The following MGAT4C variants were observed in gnomAD, a reference collection of about 807,000 sequenced individuals.
MGAT4C encodes alpha-1,3-mannosyl-glycoprotein 4-beta-N-acetylglucosaminyltransferase C.
In MGAT4C, 19 loss-of-function variants were observed where a neutral mutation model predicts 40.1. That is an observed-to-expected ratio of 0.47 (90% CI 0.33 to 0.70). The LOEUF (loss-of-function observed/expected upper bound fraction) is 0.70. MGAT4C is among the 30% of genes least tolerant of loss of function. The pLI is 0.02. For synonymous variants in MGAT4C, 181 were observed against 187.1 expected (o/e 0.97, Z 0.27); for missense variants, 491 against 563.2 (o/e 0.87, Z 1.30).
intron 2 of MGAT4C, among the ~76,000 whole-genome samples, chr12:86,024,765 A>G (rs543901870): frequency 6.6e-6 from 1 of 151,924 alleles, no homozygotes; most frequent in African/African-American, 2.4e-5. Flanking sequence ...TCCATAGTCA[A>G]ATGGTCAAAT....
chr12:86,169,410 T>C (rs1886550518), intron 1 of MGAT4C, among the ~76,000 whole-genome samples: 1 of 152,140 alleles, frequency 6.6e-6, no homozygotes, highest in South Asian at 2.1e-4. Context: ...CATCTAGTTA[T>C]CTCTCACTAG....
chr12:86,503,945 A>C (rs112645225), intron 2 of MGAT4C, among the ~76,000 whole-genome samples: 1 of 150,960 alleles, frequency 6.6e-6, no homozygotes, highest in Non-Finnish European at 1.5e-5. Context: ...ACTTACGTTT[A>C]AAACCTTCCT....
At chr12:86,009,056 G>T (rs143224848) in intron 2 of MGAT4C, among the ~76,000 whole-genome samples, 1 of 151,696 alleles carries the variant, frequency 6.6e-6, no homozygotes, top group African/African-American at 2.4e-5. Flanking sequence ...TTCCAATATT[G>T]TTGTCAGCTT....
chr12:86,459,230 A>T (rs1193353639), intron 2 of MGAT4C, among the ~76,000 whole-genome samples: 2 of 152,184 alleles, frequency 1.3e-5, no homozygotes, highest in Non-Finnish European at 2.9e-5. Context: ...AATGGGCTCC[A>T]AAATTCCTGC....
intron 2 of MGAT4C, among the ~76,000 whole-genome samples, chr12:86,565,156 C>A (rs945674770): frequency 3.3e-5 from 5 of 152,176 alleles, no homozygotes; most frequent in Non-Finnish European, 7.3e-5. Context: ...TGGGTGCTTT[C>A]TGTCCCATCT....
rs1242330583 is a variant in MGAT4C at position 85,965,576 on chromosome 12, A to T, written c.*13713T>A. 1 of 146,156 alleles carries T rather than the reference A, an allele frequency of 6.8e-6. No homozygotes were observed. The highest frequency in any genetic ancestry group is 1.5e-5 in the Non-Finnish European group (1 of 66,964). 9.1% of individuals were successfully genotyped at this position (146,156 alleles called of 1,614,324 possible). On this transcript the variant is annotated 3_prime_UTR_variant, in exon 5 of 5. Coordinates refer to ENST00000611864, the MANE Select transcript of MGAT4C (RefSeq NM_001351288.2). ...AGTGCCACTGCAGTCCGGCCTGGGCAAAAGAGTGAGACTCTGTCTCAAAAA... is the reference window on the plus strand; with the variant it reads ...AGTGCCACTGCAGTCCGGCCTGGGCTAAAGAGTGAGACTCTGTCTCAAAAA...
At chr12:86,687,803 T>C (rs982341139) in intron 2 of MGAT4C, among the ~76,000 whole-genome samples, 5 of 152,200 alleles carry the variant, frequency 3.3e-5, no homozygotes, top group Non-Finnish European at 5.9e-5. Flanking sequence ...GAAGAATGTA[T>C]ATTCCGTTGA....
At chr12:86,651,726 A>T (rs1417704415) in intron 2 of MGAT4C, among the ~76,000 whole-genome samples, 1 of 151,824 alleles carries the variant, frequency 6.6e-6, no homozygotes, top group Non-Finnish European at 1.5e-5. Context: ...AAAAAGGTGG[A>T]TGGGTGATTA....
intron 1 of MGAT4C, among the ~76,000 whole-genome samples, chr12:86,164,249 C>T (rs558006200): frequency 1.3e-5 from 2 of 152,256 alleles, no homozygotes; most frequent in East Asian, 1.9e-4. Flanking sequence ...GAAGTTTAAT[C>T]TATGGGCTCT....
chr12:86,807,972 T>G (rs185930301), intron 1 of MGAT4C, among the ~76,000 whole-genome samples: 7 of 147,866 alleles, frequency 4.7e-5, no homozygotes, highest in Non-Finnish European at 6.0e-5. Context: ...TTTTAATGGT[T>G]TTTTTTTCTT....
intron 2 of MGAT4C, among the ~76,000 whole-genome samples, chr12:86,618,741 A>T (rs1485083059): frequency 6.6e-6 from 1 of 152,140 alleles, no homozygotes; most frequent in Admixed American, 6.5e-5. Flanking sequence ...GTTAGATAGA[A>T]TAAGTTTTAA....
intron 3 of MGAT4C, among the ~76,000 whole-genome samples, chr12:86,375,482 CT>C (rs1955806792): frequency 6.6e-6 from 1 of 150,630 alleles, no homozygotes; most frequent in Non-Finnish European, 1.5e-5. Flanking sequence ...ATTTTTTTTT[CT>C]TTATAGTTAA....
At chr12:86,590,694 C>CA (rs972837903) in intron 2 of MGAT4C, among the ~76,000 whole-genome samples, 10 of 150,746 alleles carry the variant, frequency 6.6e-5, no homozygotes, top group Middle Eastern at 6.8e-3. Flanking sequence ...AATACAGAAA[C>CA]AAAAAAAAAT....
At chr12:86,186,350 A>T (rs1381452045) in intron 1 of MGAT4C, among the ~76,000 whole-genome samples, 1 of 152,176 alleles carries the variant, frequency 6.6e-6, no homozygotes, top group Non-Finnish European at 1.5e-5. Flanking sequence ...TTAATAACTG[A>T]CATGCTGAGG....
At chr12:86,007,024 C>T (rs749018134) in intron 2 of MGAT4C, among the ~76,000 whole-genome samples, 5 of 152,056 alleles carry the variant, frequency 3.3e-5, no homozygotes, top group Non-Finnish European at 7.4e-5. Context: ...TCTGATTCAT[C>T]TAATAATTGT....
intron 2 of MGAT4C, among the ~76,000 whole-genome samples, chr12:86,701,574 C>T (rs938356360): frequency 4.6e-5 from 7 of 152,108 alleles, no homozygotes; most frequent in Non-Finnish European, 7.4e-5. Flanking sequence ...TTCCCTAGTA[C>T]TTGACATACA....
intron 1 of MGAT4C, among the ~76,000 whole-genome samples, chr12:86,831,493 C>T (rs529821188): frequency 6.6e-6 from 1 of 151,910 alleles, no homozygotes; most frequent in South Asian, 2.1e-4. Flanking sequence ...ACACACATGA[C>T]ACCAATGTGT....
At chr12:86,618,936 T>A (rs1327215167) in intron 2 of MGAT4C, among the ~76,000 whole-genome samples, 1 of 151,960 alleles carries the variant, frequency 6.6e-6, no homozygotes, top group Non-Finnish European at 1.5e-5. Flanking sequence ...ATGTACCACA[T>A]AAATATGTAC....
intron 3 of MGAT4C, among the ~76,000 whole-genome samples, chr12:86,393,927 G>A (rs1005753973): frequency 6.6e-6 from 1 of 152,190 alleles, no homozygotes; most frequent in Non-Finnish European, 1.5e-5. Flanking sequence ...TTAGTGGAGG[G>A]ATGGGAATGT....
Sources: gnomAD v4.1 joint callset for allele counts (sites outside exome capture counted in the v4.1 genomes callset) on GRCh38, gnomAD v4.1.1 for gene constraint, MANE v1.5 for transcripts, NCBI Gene and HGNC (gene_info 2026-07-23, HGNC 2026-07-21) for gene names.